The following MCM8 variants were observed in gnomAD, a reference collection of about 807,000 sequenced individuals.
MCM8 encodes the protein minichromosome maintenance 8 homologous recombination repair factor.
Under a neutral mutation model 98.9 loss-of-function variants are expected in MCM8, and 85 were observed. That is an observed-to-expected ratio of 0.86 (90% CI 0.72 to 1.03). The LOEUF (loss-of-function observed/expected upper bound fraction) is 1.03, where lower values mean the gene tolerates loss of function less well. Ranked by LOEUF, MCM8 falls within the 50% of genes least tolerant of loss-of-function variation. The pLI is 0.00. For missense variants in MCM8, 951 were observed against 997.8 expected (o/e 0.95, Z 0.63); for synonymous variants, 352 against 338.6 (o/e 1.04, Z -0.44).
At chr20:5,956,558 T>C (rs2122658000) in intron 5 of MCM8, among the ~76,000 whole-genome samples, 1 of 152,248 alleles carries the variant, frequency 6.6e-6, no homozygotes, top group South Asian at 2.1e-4. Context: ...CACACTTGGC[T>C]AATTTTTGTA....
Position 5,950,909 on chromosome 20 carries a change from G to A in MCM8, c.-120G>A, listed in dbSNP as rs932122016. On this transcript the variant is annotated 5_prime_UTR_variant, in exon 1 of 19. It adds an upstream start codon to the 5' untranslated region. Transcript: ENST00000610722. ...TAAGATCCCGGAGACTCTTAGCCCCGTGGTGCTTCTCTACGGGAGGGAGGG... is the reference window on the plus strand; with the variant it reads ...TAAGATCCCGGAGACTCTTAGCCCCATGGTGCTTCTCTACGGGAGGGAGGG... The A allele has an allele frequency of 6.6e-6, 1 of 151,792 alleles. No individual in the cohort carries two copies. The highest frequency in any genetic ancestry group is 2.4e-5 in the African/African-American group (1 of 41,334). 9.4% of individuals were successfully genotyped at this position (151,792 alleles called of 1,614,324 possible).
At chr20:5,972,677 G>T in intron 11 of MCM8, 3 of 1,070,324 alleles carry the variant, frequency 2.8e-6, no homozygotes, top group Non-Finnish European at 2.5e-6. Flanking sequence ...ACCTCAGCCT[G>T]CCGAGTAGCT....
At chr20:5,991,215 T>C (rs947969250) in intron 17 of MCM8, 1 of 152,230 alleles carries the variant, frequency 6.6e-6, no homozygotes, top group Admixed American at 6.5e-5. Context: ...CTGAGCATCA[T>C]GCTTAAGCAG....
chr20:5,953,542 T>C (rs553186730), intron 3 of MCM8, among the ~76,000 whole-genome samples: 1 of 151,956 alleles, frequency 6.6e-6, no homozygotes, highest in East Asian at 1.9e-4. Context: ...GGCGCGATCT[T>C]GGCTCACTGC....
intron 12 of MCM8, among the ~76,000 whole-genome samples, chr20:5,975,449 A>G (rs2089489057): frequency 6.6e-6 from 1 of 150,960 alleles, no homozygotes; most frequent in African/African-American, 2.4e-5. Flanking sequence ...TACAAATCTC[A>G]TAATTTATAC....
chr20:5,982,747 T>C (rs2089654027), intron 13 of MCM8, among the ~76,000 whole-genome samples: 1 of 152,200 alleles, frequency 6.6e-6, no homozygotes, highest in Non-Finnish European at 1.5e-5. Context: ...GCTGTGCGTA[T>C]GAAAAATGCT....
intron 17 of MCM8, chr20:5,991,295 G>T (rs953188520): frequency 2.0e-5 from 3 of 152,070 alleles, no homozygotes; most frequent in Non-Finnish European, 4.4e-5. Context: ...GTTATACTTG[G>T]TATAAGATTT....
intron 12 of MCM8, among the ~76,000 whole-genome samples, chr20:5,973,894 A>T (rs1339034002): frequency 1.3e-5 from 2 of 151,910 alleles, no homozygotes; most frequent in African/African-American, 4.8e-5. Flanking sequence ...GCCTCAAGTG[A>T]TCCACCCACC....
intron 16 of MCM8, among the ~76,000 whole-genome samples, chr20:5,986,461 T>G (rs2089737373): frequency 6.6e-6 from 1 of 152,214 alleles, no homozygotes; most frequent in African/African-American, 2.4e-5. Flanking sequence ...TATGGGAACA[T>G]GGAATGTGTC....
intron 15 of MCM8, 22 bp downstream of exon 15, chr20:5,985,022 A>G (rs2089702317): frequency 2.5e-6 from 4 of 1,593,100 alleles, no homozygotes; most frequent in Non-Finnish European, 3.4e-6. Context: ...TCTTCTCCTT[A>G]TTCAGTTTGG....
At chr20:5,984,512 A>G (rs922204891) in intron 14 of MCM8, among the ~76,000 whole-genome samples, 1 of 152,226 alleles carries the variant, frequency 6.6e-6, no homozygotes, top group Non-Finnish European at 1.5e-5. Flanking sequence ...CCAATTAGTG[A>G]TAATAGGACA....
At chr20:5,967,755 G>A in intron 9 of MCM8, 75 bp from the exon 10 acceptor site, 1 of 1,396,460 alleles carries the variant, frequency 7.2e-7, no homozygotes, top group Admixed American at 2.2e-5. Flanking sequence ...CTATGACTTT[G>A]TTTTATATTC....
rs780506571 is a variant in MCM8 at position 5,984,938 on chromosome 20, CAAGATTCAAATACTTCCGTACT to C, written c.1892_1913del (p.Gln631LeufsTer3). 1 of 1,614,064 alleles carries C rather than the reference CAAGATTCAAATACTTCCGTACT, an allele frequency of 6.2e-7. No homozygotes were observed. The highest frequency in any genetic ancestry group is 1.1e-5 in the South Asian group (1 of 91,076). On this transcript the variant is annotated frameshift_variant, in exon 15 of 19. Coordinates refer to ENST00000610722, the MANE Select transcript of MCM8 (RefSeq NM_032485.6). LOFTEE classifies it high-confidence loss of function. ...TGCCACAGTAGCTCGTATGAATAGT[CAAGATTCAAATACTTCCGTACT>C]TGAAGTAGTTTCTGAGAAGCCATTA...
At chr20:5,969,068 A>G (rs1600268155) in intron 10 of MCM8, among the ~76,000 whole-genome samples, 1 of 152,162 alleles carries the variant, frequency 6.6e-6, no homozygotes, top group Non-Finnish European at 1.5e-5. Context: ...CTTTATTTGT[A>G]TCACCTTAAA....
rs2089311808 is a variant in MCM8 at position 5,967,906 on chromosome 20, G to C, written c.1104G>C (p.Gln368His). Residue 368 changes from glutamine (Q) to histidine (H), a missense_variant, in exon 10 of 19, where the codon CAG (glutamine) becomes CAC (histidine). Gln to His is a conservative substitution (Grantham distance 24). Transcript: ENST00000610722. ...ATTCTATTAGTAATAGCAAAGGACA[G>C]AAAACAAAGAGTTCTGAGGATGGGT... ...EANSISNSKG[Q>H]KTKSSEDGCK... The C allele has an allele frequency of 6.2e-7, 1 of 1,613,970 alleles. No homozygotes were observed. Among genetic ancestry groups the C allele is most frequent in the South Asian group, 1.1e-5 (1 of 91,082 alleles).
At chr20:5,951,975 G>C (rs1568564757) in intron 1 of MCM8, 36 bp from the exon 2 acceptor site, 6 of 1,576,092 alleles carry the variant, frequency 3.8e-6, no homozygotes, top group Non-Finnish European at 5.2e-6. Context: ...TTTCCTTACA[G>C]TTTTGGTGAA....
intron 12 of MCM8, 114 bp downstream of exon 12, chr20:5,973,310 G>A: frequency 7.5e-7 from 1 of 1,330,984 alleles, no homozygotes; most frequent in Non-Finnish European, 1.0e-6. Flanking sequence ...ATGGTTAGGT[G>A]GCGTAAATGA....
chr20:5,961,810 C>A, intron 7 of MCM8, among the ~76,000 whole-genome samples: 1 of 152,256 alleles, frequency 6.6e-6, no homozygotes, highest in Middle Eastern at 3.4e-3. Context: ...AGCATTGACT[C>A]ATGTGTGATG....
intron 12 of MCM8, among the ~76,000 whole-genome samples, chr20:5,975,542 G>A (rs963113664): frequency 2.7e-5 from 4 of 148,912 alleles, no homozygotes; most frequent in Non-Finnish European, 4.4e-5. Flanking sequence ...TGCCGCCCAG[G>A]CTGGAGTGCA....
Sources: allele counts gnomAD v4.1 joint callset (sites outside exome capture counted in the v4.1 genomes callset), GRCh38; gene constraint gnomAD v4.1.1; transcripts MANE v1.5; gene names NCBI Gene and HGNC (gene_info 2026-07-23, HGNC 2026-07-21).